The following ZC3H4 variants were observed in gnomAD, a reference collection of about 807,000 sequenced individuals.
ZC3H4 encodes the protein zinc finger CCCH domain-containing protein 4.
ZC3H4 carries 13 observed loss-of-function variants against 108.3 expected under a neutral mutation model. That is an observed-to-expected ratio of 0.12 (90% CI 0.08 to 0.19). The LOEUF (loss-of-function observed/expected upper bound fraction) is 0.19. Among genes scored for constraint, ZC3H4 ranks in the 10% least tolerant of loss-of-function variants. The probability of loss-of-function intolerance (pLI) is 1.00; values close to 1 mark genes in which losing one functional copy is unlikely to be tolerated. For synonymous variants in ZC3H4, 917 were observed against 749.6 expected (o/e 1.22, Z -3.65); for missense variants, 1,734 against 1,838.8 (o/e 0.94, Z 1.04).
intron 6 of ZC3H4, among the ~76,000 whole-genome samples, chr19:47,085,656 C>T (rs2057607076): frequency 6.6e-6 from 1 of 152,138 alleles, no homozygotes; most frequent in Non-Finnish European, 1.5e-5. Context: ...CACTGTGGGG[C>T]TCTAAAAGGG....
In ZC3H4 at chr19:47,066,785, T is replaced by C; in HGVS notation, c.3483A>G (p.Thr1161=). ...GGGCACCCGTGTCAGCAGCCGGCTCTGTGGCTTTGCCCCCCGCGTTGGGAG... is the reference window on the plus strand; with the variant it reads ...GGGCACCCGTGTCAGCAGCCGGCTCCGTGGCTTTGCCCCCCGCGTTGGGAG... The part of the protein sequence containing the change: ...PRTPNAGGKA[T]EPAADTGAQP... The change falls in exon 15 of 15, where the codon ACA becomes ACG. Residue 1161 remains threonine, a synonymous_variant. Transcript: ENST00000253048. The C allele has an allele frequency of 6.2e-7, 1 of 1,601,680 alleles. No individual in the cohort carries two copies.
Position 47,071,779 on chromosome 19 carries a change from T to A in ZC3H4, c.2145A>T (p.Ala715=), listed in dbSNP as rs1204926537. 8 of 1,604,802 alleles carry A rather than the reference T, an allele frequency of 5.0e-6. No individual in the cohort carries two copies. The highest frequency in any genetic ancestry group is 6.8e-6 in the Non-Finnish European group (8 of 1,176,248). ...AGCCACACCTGGAGTCCCGCATACC[T>A]GCATCCCCCAGGAGTCCGGGCTCCA... ...MEMEPGLLGD[A]EDYGHYEELP... The change falls in exon 13 of 15, where the codon GCA becomes GCT. Residue 715 remains alanine (A), a splice_region_variant and synonymous_variant. Transcript: ENST00000253048.
chr19:47,079,524 C>T (rs60871842), intron 11 of ZC3H4, among the ~76,000 whole-genome samples: 1,831 of 152,076 alleles, frequency 0.012, 42 homozygotes, highest in African/African-American at 0.043. Context: ...TCAGTGAGTC[C>T]TCCCAAGGAG....
rs375481028 is a variant in ZC3H4, at chr19:47,084,493, A to C, written c.1108-38T>G. 4.4e-5 allele frequency: 71 copies of C among 1,604,004 alleles called. No individual in the cohort carries two copies. In the Middle Eastern group the frequency reaches 6.6e-4, roughly 15 times the overall value. ...GGGTGTGGACGTAAAGGGGAATGAAAGGGAAGGGTAGAGATGGGATCGGGG... is the reference window on the plus strand; with the variant it reads ...GGGTGTGGACGTAAAGGGGAATGAACGGGAAGGGTAGAGATGGGATCGGGG... On this transcript the variant is annotated intron_variant, in intron 8 of 14. Coordinates refer to ENST00000253048, the MANE Select transcript of ZC3H4 (RefSeq NM_015168.2).
chr19:47,084,599 C>A, intron 8 of ZC3H4, 144 bp from the exon 9 acceptor site: 1 of 766,844 alleles, frequency 1.3e-6, no homozygotes, highest in East Asian at 2.7e-5. Context: ...GCATCTAACA[C>A]GGAGGCTGCG....
intron 2 of ZC3H4, among the ~76,000 whole-genome samples, chr19:47,109,087 A>G (rs867122220): frequency 1.2e-4 from 18 of 152,026 alleles, no homozygotes; most frequent in Middle Eastern, 3.4e-3. Flanking sequence ...TCTGAGTGAC[A>G]CCCTTTTCTT....
intron 2 of ZC3H4, chr19:47,096,996 TCGGA>T (rs1422497188): frequency 3.0e-6 from 3 of 985,286 alleles, no homozygotes; most frequent in Admixed American, 1.2e-4. Flanking sequence ...ACTCGCTGGC[TCGGA>T]CGAAGGTACA....
At position 47,067,089 on chromosome 19, in the gene ZC3H4, G is replaced by A. The variant is rs1156246720; in HGVS notation, c.3179C>T (p.Ala1060Val). Residue 1060 changes from alanine to valine, a missense_variant, in exon 15 of 15, where the codon GCC becomes GTC. Transcript: ENST00000253048. The surrounding 1 kb of genome is among the most constrained non-coding windows in gnomAD (Gnocchi z 6.4). ...GGGTTTGTCGCTGGAACCGGGGGCG[G>A]CCGAGGAGCCGGTGGCATTGACTGT... ...LKTVNATGSS[A>V]APGSSDKPSD... is the part of the protein sequence containing the mutation. The A allele has an allele frequency of 1.2e-6, 2 of 1,610,274 alleles. No individual in the cohort carries two copies. The highest frequency in any genetic ancestry group is 3.4e-5 in the Admixed American group (2 of 59,522).
At chr19:47,099,477 AAAAG>A (rs140331254) in intron 2 of ZC3H4, among the ~76,000 whole-genome samples, 3,988 of 151,874 alleles carry the variant, frequency 0.026, 144 homozygotes, top group African/African-American at 0.083. Context: ...AAAAAAGAAA[AAAAG>A]AAAGCTGCAG....
chr19:47,092,983 G>A (rs937858059), intron 4 of ZC3H4, among the ~76,000 whole-genome samples: 12 of 152,110 alleles, frequency 7.9e-5, no homozygotes, highest in African/African-American at 9.6e-5. Flanking sequence ...TTGAGAGGCC[G>A]AGGCAGGCGG....
At chr19:47,088,960 C>T (rs935181774) in intron 5 of ZC3H4, among the ~76,000 whole-genome samples, 1 of 152,056 alleles carries the variant, frequency 6.6e-6, no homozygotes, top group African/African-American at 2.4e-5. Context: ...GTAATCCCAG[C>T]ACTTTGGGAG....
Position 47,090,123 on chromosome 19 carries a change from T to C in ZC3H4, c.559A>G (p.Ser187Gly), listed in dbSNP as rs760390607. The C allele has an allele frequency of 1.7e-5, 27 of 1,614,098 alleles. No homozygotes were observed. The Admixed American group carries it at 2.8e-4, about 17-fold the overall frequency. ...TCCTCGTACATGCCATAACTCTTGC[T>C]GTCCATCTTGGAGTATGCCTTCTTG... ...LPKKAYSKMD[S>G]KSYGMYEDYE... The change falls in exon 5 of 15, where the codon AGC (serine) becomes GGC (glycine). Residue 187 changes from serine to glycine, a missense_variant. By Grantham distance (56) the Ser-to-Gly change is moderately conservative. Around this residue, in one of 9 missense-constraint regions of ZC3H4, gnomAD observed 403 missense variants for 457.0 expected, o/e 0.88. Transcript: ENST00000253048.
At chr19:47,111,781 C>T (rs1007247941) in intron 2 of ZC3H4, among the ~76,000 whole-genome samples, 1 of 151,776 alleles carries the variant, frequency 6.6e-6, no homozygotes. Flanking sequence ...CCAAATGACC[C>T]CCAATTACAA....
At position 47,071,817 on chromosome 19, in the gene ZC3H4, C is replaced by G; in HGVS notation, c.2107G>C (p.Glu703Gln). 8.7e-6 allele frequency: 14 copies of G among 1,613,474 alleles called. No homozygotes were observed. The highest frequency in any genetic ancestry group is 1.2e-5 in the Non-Finnish European group (14 of 1,179,884). ...NFYENFYQQQ[E>Q]GMEMEPGLLG... ...AGTCCGGGCTCCATCTCCATGCCCT[C>G]CTGCTGCTGGTAGAAGTTTTCATAG... The change falls in exon 13 of 15, where the codon GAG (glutamate) becomes CAG (glutamine). Residue 703 changes from glutamate (E) to glutamine (Q), a missense_variant. Transcript: ENST00000253048.
intron 2 of ZC3H4, among the ~76,000 whole-genome samples, chr19:47,111,194 A>C (rs1424640865): frequency 1.3e-5 from 2 of 151,220 alleles, no homozygotes; most frequent in African/African-American, 4.9e-5. Context: ...GTCCAAACCT[A>C]CTCTCCAGCC....
In ZC3H4 at chr19:47,086,386, C is replaced by T; in HGVS notation, c.868G>A (p.Asp290Asn). Residue 290 changes from aspartate to asparagine, a missense_variant and splice_region_variant, in exon 6 of 15, where the codon GAC becomes AAC. By Grantham distance (23) the Asp-to-Asn change is conservative. Around this residue, in one of 9 missense-constraint regions of ZC3H4, gnomAD observed 403 missense variants for 457.0 expected, o/e 0.88. Transcript: ENST00000253048. ...CCCAGGGCCAGAGGAAACCTTACGT[C>T]CATCTCTTCCTCGTAGAAATCCTCT... ...DEEDFYEEEM[D>N]YGESEEPMGD... 6.2e-7 allele frequency: 1 copy of T among 1,613,564 alleles called. No individual in the cohort carries two copies. Among genetic ancestry groups the T allele is most frequent in the Non-Finnish European group, 8.5e-7 (1 of 1,179,868 alleles).
chr19:47,075,869 G>A (rs762912164), intron 11 of ZC3H4, among the ~76,000 whole-genome samples: 3 of 152,118 alleles, frequency 2.0e-5, no homozygotes, highest in Non-Finnish European at 4.4e-5. Context: ...AACCCAAACT[G>A]CCCATCGGTC....
chr19:47,080,905 T>C (rs1053752878), intron 11 of ZC3H4, among the ~76,000 whole-genome samples: 34 of 152,058 alleles, frequency 2.2e-4, no homozygotes, highest in African/African-American at 8.2e-4. Flanking sequence ...AGTGCTGAGA[T>C]TACAAGCGTG....
rs759581868 is a variant in ZC3H4, at chr19:47,067,092, G to A, written c.3176C>T (p.Ser1059Leu). 5.3e-5 allele frequency: 86 copies of A among 1,610,638 alleles called. No homozygotes were observed. The Admixed American group carries it at 7.6e-4, about 14-fold the overall frequency. Residue 1059 changes from serine to leucine, a missense_variant, in exon 15 of 15, where the codon TCG becomes TTG. Ser to Leu is a moderately radical substitution (Grantham distance 145). Around this residue, in one of 9 missense-constraint regions of ZC3H4, gnomAD observed 518 missense variants for 499.6 expected, o/e 1.04. Coordinates refer to ENST00000253048, the MANE Select transcript of ZC3H4 (RefSeq NM_015168.2). The surrounding 1 kb of genome is among the most constrained non-coding windows in gnomAD (Gnocchi z 6.4). Reference protein sequence around the residue: ...ILKTVNATGSSAAPGSSDKPS... With the variant: ...ILKTVNATGSLAAPGSSDKPS... ...TTTGTCGCTGGAACCGGGGGCGGCC[G>A]AGGAGCCGGTGGCATTGACTGTCTT...
Sources: allele counts gnomAD v4.1 joint callset (sites outside exome capture counted in the v4.1 genomes callset), GRCh38; gene constraint gnomAD v4.1.1; regional missense constraint gnomAD v4.1.1; non-coding constraint Gnocchi (gnomAD v3.1); transcripts MANE v1.5; gene names NCBI Gene and HGNC (gene_info 2026-07-23, HGNC 2026-07-21).